The following TNRC6B variants were observed in gnomAD, a reference collection of about 807,000 sequenced individuals.
The protein encoded by TNRC6B is trinucleotide repeat-containing gene 6B protein.
Under a neutral mutation model 203.6 loss-of-function variants are expected in TNRC6B, and 52 were observed. The observed-to-expected ratio is 0.26, with a 90% CI of 0.20 to 0.32. TNRC6B has a LOEUF of 0.32. TNRC6B is among the 10% of genes least tolerant of loss of function. The pLI is 1.00. For synonymous variants in TNRC6B, 838 were observed against 845.7 expected (o/e 0.99, Z 0.16); for missense variants, 1,923 against 2,286.2 (o/e 0.84, Z 3.24).
At chr22:40,316,571 G>T (rs1401816595) in intron 21 of TNRC6B, among the ~76,000 whole-genome samples, 1 of 152,086 alleles carries the variant, frequency 6.6e-6, no homozygotes, top group Non-Finnish European at 1.5e-5. Context: ...GATCACTTGA[G>T]CCCAGAATTG....
At chr22:40,305,901 T>C (rs1450164715) in intron 15 of TNRC6B, among the ~76,000 whole-genome samples, 1 of 152,178 alleles carries the variant, frequency 6.6e-6, no homozygotes, top group East Asian at 1.9e-4. Flanking sequence ...TATGTTTCTC[T>C]TTTTTCGCTT....
intron 2 of TNRC6B, among the ~76,000 whole-genome samples, chr22:40,122,685 C>A (rs2068456335): frequency 1.3e-5 from 2 of 152,118 alleles, no homozygotes; most frequent in African/African-American, 4.8e-5. Flanking sequence ...AGAAGCATTC[C>A]CCTTTCACAG....
rs115470185 is a variant in TNRC6B at position 40,282,783 on chromosome 22, T to C, written c.3582+1494T>C. ...ATTTTCTTACAGAATTATTTTAATA[T>C]ACTTCATATTAATAAAATTTAAGAT... is the stretch of plus-strand genomic sequence containing the variant. On this transcript the variant is annotated intron_variant, in intron 11 of 22. Coordinates refer to ENST00000454349, the MANE Select transcript of TNRC6B (RefSeq NM_001162501.2). Among the ~76,000 whole-genome samples the C allele has an allele frequency of 2.0e-3, 306 of 152,296 alleles. 1 individual carries two copies. Among genetic ancestry groups the C allele is most frequent in the African/African-American group, 7.2e-3 (299 of 41,584 alleles).
At position 40,266,218 on chromosome 22, in the gene TNRC6B, CAG is replaced by C. The variant is rs2146500556; in HGVS notation, c.1989_1990del (p.Gly665LeufsTer35). 6.2e-7 allele frequency: 1 copy of C among 1,608,846 alleles called. No individual in the cohort carries two copies. Among genetic ancestry groups the C allele is most frequent in the Non-Finnish European group, 8.5e-7 (1 of 1,177,324 alleles). On this transcript the variant is annotated frameshift_variant, in exon 5 of 23. Coordinates refer to ENST00000454349, the MANE Select transcript of TNRC6B (RefSeq NM_001162501.2). LOFTEE classifies it high-confidence loss of function. ...AGCGCTGCCACACAGACCAAGAACTCAGGGGGCTGGGGAGATGCACCCAGCCA... is the reference window on the plus strand; with the variant it reads ...AGCGCTGCCACACAGACCAAGAACTCGGGGCTGGGGAGATGCACCCAGCCA...
intron 2 of TNRC6B, among the ~76,000 whole-genome samples, chr22:40,119,288 T>A (rs1299133202): frequency 1.3e-5 from 2 of 152,144 alleles, no homozygotes; most frequent in African/African-American, 4.8e-5. Context: ...AAACAGAAAT[T>A]AAACACTTGT....
chr22:40,061,062 G>A (rs73418340), intron 1 of TNRC6B, among the ~76,000 whole-genome samples: 6,713 of 152,216 alleles, frequency 0.044, 447 homozygotes, highest in African/African-American at 0.14. Flanking sequence ...AAGGATAGTA[G>A]CCTCTGGTTA....
chr22:40,074,347 A>T (rs1340651163), intron 1 of TNRC6B, among the ~76,000 whole-genome samples: 1 of 152,120 alleles, frequency 6.6e-6, no homozygotes, highest in East Asian at 1.9e-4. Context: ...TGAAATTAGT[A>T]CATTTCAAGA....
At chr22:40,295,806 G>A (rs1050457421) in intron 12 of TNRC6B, among the ~76,000 whole-genome samples, 1 of 152,182 alleles carries the variant, frequency 6.6e-6, no homozygotes, top group African/African-American at 2.4e-5. Context: ...AGGAATCATT[G>A]CCTTGGACTA....
intron 4 of TNRC6B, among the ~76,000 whole-genome samples, chr22:40,165,753 TG>T (rs1415830171): frequency 6.6e-6 from 1 of 151,966 alleles, no homozygotes; most frequent in Non-Finnish European, 1.5e-5. Context: ...TGCTGAGCAA[TG>T]GGGGGGAAAG....
At chr22:40,141,073 C>G (rs1302834925) in intron 3 of TNRC6B, among the ~76,000 whole-genome samples, 1 of 151,618 alleles carries the variant, frequency 6.6e-6, no homozygotes, top group Non-Finnish European at 1.5e-5. Flanking sequence ...TAACCATCAA[C>G]AAGATTTAAC....
intron 1 of TNRC6B, among the ~76,000 whole-genome samples, chr22:40,231,175 G>A (rs5995841): frequency 7.2e-4 from 109 of 152,154 alleles, no homozygotes; most frequent in African/African-American, 2.6e-3. Context: ...AAGTCTTCAC[G>A]TCAGGTTGTG....
chr22:40,225,558 A>G (rs2069771683), intron 1 of TNRC6B, among the ~76,000 whole-genome samples: 1 of 152,104 alleles, frequency 6.6e-6, no homozygotes, highest in Non-Finnish European at 1.5e-5. Flanking sequence ...GTGAAAACCC[A>G]TCTCTGCTAA....
chr22:40,241,633 A>G (rs1569034660), intron 1 of TNRC6B, among the ~76,000 whole-genome samples: 2 of 152,242 alleles, frequency 1.3e-5, no homozygotes, highest in Non-Finnish European at 2.9e-5. Context: ...TGTAACTCAC[A>G]GTTTGAATTT....
chr22:40,140,800 C>G (rs2068637790), intron 3 of TNRC6B, among the ~76,000 whole-genome samples: 1 of 151,988 alleles, frequency 6.6e-6, no homozygotes, highest in African/African-American at 2.4e-5. Context: ...GCCACCATGC[C>G]TGGCTAATTT....
chr22:40,163,769 AAAAG>A, intron 4 of TNRC6B, among the ~76,000 whole-genome samples: 1 of 152,136 alleles, frequency 6.6e-6, no homozygotes, highest in African/African-American at 2.4e-5. Flanking sequence ...CTCAAAAACA[AAAAG>A]AAAGAAAAGA....
intron 1 of TNRC6B, among the ~76,000 whole-genome samples, chr22:40,094,772 G>A (rs1047806874): frequency 6.6e-6 from 1 of 152,228 alleles, no homozygotes; most frequent in African/African-American, 2.4e-5. Context: ...ATAAACAGAA[G>A]TTTAATATGC....
rs763844600 is a variant in TNRC6B at position 40,265,264 on chromosome 22, A to G, written c.1034A>G (p.Glu345Gly). The G allele has an allele frequency of 6.2e-7, 1 of 1,614,042 alleles. No individual in the cohort carries two copies. The highest frequency in any genetic ancestry group is 8.5e-7 in the Non-Finnish European group (1 of 1,179,898). Reference sequence around the variant, plus strand: ...AGCACAGTAGGTCAGACATCCAGGGAACAGCAGTCAAAGATGGAAAATGCG... The same window carrying G: ...AGCACAGTAGGTCAGACATCCAGGGGACAGCAGTCAAAGATGGAAAATGCG... ...QVSTVGQTSREQQSKMENAGV... is the reference protein window; with the variant it reads ...QVSTVGQTSRGQQSKMENAGV... The change falls in exon 5 of 23, where the codon GAA (glutamate) becomes GGA (glycine). Residue 345 changes from glutamate to glycine, a missense_variant. Around this residue, in one of 8 missense-constraint regions of TNRC6B, gnomAD observed 614 missense variants for 587.7 expected, o/e 1.04. Coordinates refer to ENST00000454349, the MANE Select transcript of TNRC6B (RefSeq NM_001162501.2).
intron 4 of TNRC6B, among the ~76,000 whole-genome samples, chr22:40,163,300 G>T (rs2068885937): frequency 6.8e-6 from 1 of 147,212 alleles, no homozygotes; most frequent in African/African-American, 2.5e-5. Context: ...GGTAGTTCCA[G>T]CTTCTCAAGA....
intron 1 of TNRC6B, among the ~76,000 whole-genome samples, chr22:40,067,770 C>T (rs899115258): frequency 3.3e-5 from 5 of 152,112 alleles, no homozygotes; most frequent in African/African-American, 1.2e-4. Context: ...TCCATTCAGG[C>T]CCCTAGCCAA....
Sources: gnomAD v4.1 joint callset for allele counts (sites outside exome capture counted in the v4.1 genomes callset) on GRCh38, gnomAD v4.1.1 for gene constraint, gnomAD v4.1.1 regional missense constraint, MANE v1.5 for transcripts, NCBI Gene and HGNC (gene_info 2026-07-23, HGNC 2026-07-21) for gene names.